SUCLG2: variants seen among roughly 807,000 people sequenced by gnomAD.
SUCLG2 encodes the protein succinate-CoA ligase GDP-forming subunit beta.
Under a neutral mutation model 47.9 loss-of-function variants are expected in SUCLG2, and 42 were observed. The observed-to-expected ratio is 0.88, with a 90% CI of 0.69 to 1.14. The LOEUF (loss-of-function observed/expected upper bound fraction) is 1.14. Among genes scored for constraint, SUCLG2 ranks in the 50% most tolerant of loss-of-function variants. The pLI is 0.00. For missense variants in SUCLG2, 571 were observed against 525.9 expected (o/e 1.09, Z -0.84); for synonymous variants, 195 against 197.3 (o/e 0.99, Z 0.10).
chr3:67,628,308 T>C (rs556601877), intron 1 of SUCLG2, among the ~76,000 whole-genome samples: 1 of 152,330 alleles, frequency 6.6e-6, no homozygotes, highest in South Asian at 2.1e-4. Flanking sequence ...GCATTCGATT[T>C]AGTTTTTTAT....
intron 7 of SUCLG2, among the ~76,000 whole-genome samples, chr3:67,508,207 G>T (rs549706738): frequency 6.6e-6 from 1 of 152,272 alleles, no homozygotes; most frequent in African/African-American, 2.4e-5. Flanking sequence ...TTACCAAGGT[G>T]ATATAAATCC....
chr3:67,361,703 G>A (rs1394611241), intron 10 of SUCLG2, among the ~76,000 whole-genome samples: 3 of 152,116 alleles, frequency 2.0e-5, no homozygotes, highest in Non-Finnish European at 4.4e-5. Context: ...CTGTATCCTT[G>A]CTTTTTTGCC....
intron 2 of SUCLG2, among the ~76,000 whole-genome samples, chr3:67,576,895 G>C (rs2107248491): frequency 6.6e-6 from 1 of 151,430 alleles, no homozygotes; most frequent in South Asian, 2.1e-4. Context: ...AACTTCACTT[G>C]TCAATATCAG....
chr3:67,562,956 C>A (rs890024463), intron 2 of SUCLG2, among the ~76,000 whole-genome samples: 3 of 151,612 alleles, frequency 2.0e-5, no homozygotes, highest in African/African-American at 4.8e-5. Flanking sequence ...AAATGGAAAA[C>A]TATATAATTT....
chr3:67,561,149 T>C (rs1707297756), intron 2 of SUCLG2, among the ~76,000 whole-genome samples: 1 of 151,444 alleles, frequency 6.6e-6, no homozygotes, highest in Non-Finnish European at 1.5e-5. Context: ...TTTAGTATTA[T>C]ATTAGCTTTA....
At chr3:67,445,109 T>A (rs1438153872) in intron 9 of SUCLG2, among the ~76,000 whole-genome samples, 1 of 67,806 alleles carries the variant, frequency 1.5e-5, no homozygotes, top group African/African-American at 5.2e-5. Context: ...CCACCCCGTC[T>A]GGGAGGTGAG....
At chr3:67,495,453 G>A (rs1480778462) in intron 9 of SUCLG2, among the ~76,000 whole-genome samples, 1 of 152,046 alleles carries the variant, frequency 6.6e-6, no homozygotes, top group African/African-American at 2.4e-5. Context: ...GGGAGTTTGA[G>A]ACCAGCCTGG....
In SUCLG2 at chr3:67,387,520, C is replaced by A. The variant is rs142220057; in HGVS notation, c.1184-11661G>T. On this transcript the variant is annotated intron_variant, in intron 10 of 10. Transcript: ENST00000307227. The stretch of plus-strand genomic sequence containing the variant: ...GTGCCTGAGTTGTCACAGAGGCCCA[C>A]AATTTATTAGTTATTCATACATTTC... 5.4e-3 allele frequency among the ~76,000 whole-genome samples: 829 copies of A among 152,292 alleles called. 6 individuals are homozygous for A. The highest frequency in any genetic ancestry group is 0.019 in the African/African-American group (776 of 41,560).
At position 67,643,826 on chromosome 3, in the gene SUCLG2, A is replaced by G. The variant is rs142871898; in HGVS notation, c.84+10677T>C. Among the ~76,000 whole-genome samples the G allele has an allele frequency of 3.7e-3, 556 of 152,266 alleles. 3 individuals carry two copies. The highest frequency in any genetic ancestry group is 0.013 in the African/African-American group (533 of 41,560). On this transcript the variant is annotated intron_variant, in intron 1 of 10. Transcript: ENST00000307227. ...CAAGTAGCTGGAATTACAGGTGTAC[A>G]CCATCATACCTGGCTAATTTTTGTA...
At position 67,375,321 on chromosome 3, in the gene SUCLG2, A is replaced by C. The variant is rs1702013063; in HGVS notation, c.*423T>G. 5 of 976,502 alleles carry C rather than the reference A, an allele frequency of 5.1e-6. No individual in the cohort carries two copies. The highest frequency in any genetic ancestry group is 3.7e-6 in the Non-Finnish European group (3 of 821,668). The allele number at this position is 976,502 out of a possible 1,614,324, so 60.5% of individuals were successfully genotyped here. On this transcript the variant is annotated 3_prime_UTR_variant, in exon 11 of 11. Coordinates refer to ENST00000307227, the MANE Select transcript of SUCLG2 (RefSeq NM_003848.4). Reference sequence around the variant, plus strand: ...TAATCTTATGCCTTTTTAGTAATTAATATATTAAATATAATCTTGTCTGAG... The same window carrying C: ...TAATCTTATGCCTTTTTAGTAATTACTATATTAAATATAATCTTGTCTGAG...
chr3:67,466,691 T>C (rs1184649167), intron 9 of SUCLG2, among the ~76,000 whole-genome samples: 3 of 152,182 alleles, frequency 2.0e-5, no homozygotes, highest in African/African-American at 7.2e-5. Context: ...TGTTCTCCCT[T>C]TTCTCCCTTT....
At chr3:67,362,553 A>G (rs1701820026) in intron 10 of SUCLG2, among the ~76,000 whole-genome samples, 1 of 152,178 alleles carries the variant, frequency 6.6e-6, no homozygotes, top group South Asian at 2.1e-4. Context: ...GGTCTCCTCC[A>G]TGAAATTGCA....
chr3:67,420,481 T>C (rs1201662539), intron 9 of SUCLG2, among the ~76,000 whole-genome samples: 1 of 152,144 alleles, frequency 6.6e-6, no homozygotes, highest in African/African-American at 2.4e-5. Context: ...GTAGGATGAG[T>C]ATTATTAAGT....
At chr3:67,633,939 C>T (rs1700967268) in intron 1 of SUCLG2, among the ~76,000 whole-genome samples, 1 of 151,982 alleles carries the variant, frequency 6.6e-6, no homozygotes, top group Non-Finnish European at 1.5e-5. Flanking sequence ...ACTGTTTTAT[C>T]TGTTATCTGT....
chr3:67,517,960 G>A (rs1705990623), intron 6 of SUCLG2, among the ~76,000 whole-genome samples: 1 of 152,082 alleles, frequency 6.6e-6, no homozygotes, highest in South Asian at 2.1e-4. Context: ...CTAAGTACCA[G>A]CAATGCTACA....
rs376441279 is a variant in SUCLG2 at position 67,609,554 on chromosome 3, A to G, written c.127T>C (p.Tyr43His). Residue 43 changes from tyrosine to histidine, a missense_variant, in exon 2 of 11, where the codon TAC becomes CAC. Transcript: ENST00000307227. ...TSRRWLNLQE[Y>H]QSKKLMSDNG... ...TCAGACATCAGTTTCTTGCTCTGGT[A>G]TTCCTGCAGGTTCAGCCATCTTCTG... The G allele has an allele frequency of 1.1e-4, 181 of 1,613,796 alleles. 1 individual carries two copies. Among genetic ancestry groups the G allele is most frequent in the Non-Finnish European group, 1.5e-4 (176 of 1,179,922 alleles).
intron 10 of SUCLG2, chr3:67,376,131 C>T: frequency 5.1e-6 from 5 of 985,130 alleles, no homozygotes; most frequent in Non-Finnish European, 4.8e-6. Context: ...CTGATAATCA[C>T]AGCCATGTGG....
chr3:67,379,354 G>T (rs1052378675), intron 10 of SUCLG2, among the ~76,000 whole-genome samples: 1 of 152,110 alleles, frequency 6.6e-6, no homozygotes, highest in Admixed American at 6.5e-5. Flanking sequence ...CCTCCAGATA[G>T]GTGCAGGAGT....
chr3:67,620,546 T>C (rs9839225), intron 1 of SUCLG2, among the ~76,000 whole-genome samples: 63,343 of 143,418 alleles, frequency 0.44, 14,163 homozygotes, highest in African/African-American at 0.5. Context: ...GAATGCACCA[T>C]TGGACTCCAG....
Sources: allele counts gnomAD v4.1 joint callset (sites outside exome capture counted in the v4.1 genomes callset), GRCh38; gene constraint gnomAD v4.1.1; transcripts MANE v1.5; gene names NCBI Gene and HGNC (gene_info 2026-07-23, HGNC 2026-07-21).